The following TGS1 variants were observed in gnomAD, a reference collection of about 807,000 sequenced individuals.
The protein encoded by TGS1 is trimethylguanosine synthase.
Under a neutral mutation model 92.2 loss-of-function variants are expected in TGS1, and 69 were observed. That is an observed-to-expected ratio of 0.75 (90% CI 0.62 to 0.91). The LOEUF (loss-of-function observed/expected upper bound fraction) is 0.91. Among genes scored for constraint, TGS1 ranks in the 40% least tolerant of loss-of-function variants. The pLI, the probability that TGS1 is intolerant of heterozygous loss-of-function variation, is 0.00. For missense variants in TGS1, 1,062 were observed against 1,001.2 expected (o/e 1.06, Z -0.82); for synonymous variants, 345 against 338.1 (o/e 1.02, Z -0.22).
In TGS1 at chr8:55,802,558, A is replaced by T. The variant is rs1812248338; in HGVS notation, c.1951A>T (p.Arg651Trp). Residue 651 changes from arginine (R) to tryptophan (W), a missense_variant, in exon 9 of 13, where the codon AGG (arginine) becomes TGG (tryptophan). Arg to Trp is a moderately radical substitution (Grantham distance 101). Coordinates refer to ENST00000260129, the MANE Select transcript of TGS1 (RefSeq NM_024831.8). The stretch of plus-strand genomic sequence containing the variant: ...TGAGCTGGCAAAATACTGGGCCCAG[A>T]GGTACAGGCTCTTCTCCCGTTTTGA... ...VPELAKYWAQRYRLFSRFDDG... is the reference protein window; with the variant it reads ...VPELAKYWAQWYRLFSRFDDG... The T allele has an allele frequency of 4.3e-6, 7 of 1,614,010 alleles. No individual in the cohort carries two copies. Among genetic ancestry groups the T allele is most frequent in the Non-Finnish European group, 5.9e-6 (7 of 1,180,028 alleles).
chr8:55,795,326 A>G (rs1585770602), intron 6 of TGS1, among the ~76,000 whole-genome samples: 2 of 152,314 alleles, frequency 1.3e-5, no homozygotes, highest in East Asian at 1.9e-4. Context: ...TATGGCTACA[A>G]AGTGAGACCT....
chr8:55,822,666 A>G (rs1030375137), intron 12 of TGS1, among the ~76,000 whole-genome samples: 1 of 151,966 alleles, frequency 6.6e-6, no homozygotes, highest in Non-Finnish European at 1.5e-5. Context: ...GCTATTTTTA[A>G]ATTTCTAGTT....
Position 55,786,441 on chromosome 8 carries a change from T to C in TGS1, c.543T>C (p.Asn181=). The C allele has an allele frequency of 6.2e-7, 1 of 1,613,164 alleles. No individual in the cohort carries two copies. The highest frequency in any genetic ancestry group is 8.5e-7 in the Non-Finnish European group (1 of 1,179,786). Residue 181 remains asparagine, a synonymous_variant, in exon 4 of 13, where the codon AAT becomes AAC. Coordinates refer to ENST00000260129, the MANE Select transcript of TGS1 (RefSeq NM_024831.8). ...GCAAAAAAGATACTGAGACAGAAAA[T>C]CCTCCAGTTGAAAACACATTATCTC... ...LQSKKDTETE[N]PPVENTLSPK... is the part of the protein sequence containing the mutation.
intron 1 of TGS1, among the ~76,000 whole-genome samples, chr8:55,775,622 C>T (rs1282365252): frequency 2.6e-5 from 4 of 152,144 alleles, no homozygotes; most frequent in African/African-American, 9.6e-5. Context: ...TTTGGGTCAA[C>T]GGAGAAGAGA....
In TGS1 at chr8:55,795,016, C is replaced by G. The variant is rs1811999508; in HGVS notation, c.1368-962C>G. ...TAGTTTCTAAAGATTATCAGTTTTT[C>G]TCCCTTAGGTGTTTCAAGGCAATTA... On this transcript the variant is annotated intron_variant, in intron 6 of 12. Coordinates refer to ENST00000260129, the MANE Select transcript of TGS1 (RefSeq NM_024831.8). Among the ~76,000 whole-genome samples the G allele has an allele frequency of 2.0e-5, 3 of 152,300 alleles. No homozygotes were observed. In the South Asian group the frequency reaches 6.2e-4, roughly 32 times the overall value.
chr8:55,805,064 A>G lies in TGS1; in HGVS notation c.2143+28A>G, dbSNP rs199856615. ...AATTAGCCATCAATGGAAGTGAACTATTTTATGTCCAGTTAATTCAGTAAA... is the reference window on the plus strand; with the variant it reads ...AATTAGCCATCAATGGAAGTGAACTGTTTTATGTCCAGTTAATTCAGTAAA... On this transcript the variant is annotated intron_variant, in intron 10 of 12. Coordinates refer to ENST00000260129, the MANE Select transcript of TGS1 (RefSeq NM_024831.8). 12 of 1,604,336 alleles carry G rather than the reference A, an allele frequency of 7.5e-6. No individual in the cohort carries two copies. The Admixed American group carries it at 1.0e-4, about 13-fold the overall frequency.
At chr8:55,780,230 T>C (rs991325270) in intron 1 of TGS1, among the ~76,000 whole-genome samples, 1 of 150,144 alleles carries the variant, frequency 6.7e-6, no homozygotes, top group African/African-American at 2.5e-5. Context: ...AGTGCAGTAG[T>C]ATGATCATTG....
At chr8:55,795,241 C>T (rs1812004851) in intron 6 of TGS1, among the ~76,000 whole-genome samples, 1 of 152,168 alleles carries the variant, frequency 6.6e-6, no homozygotes, top group Non-Finnish European at 1.5e-5. Flanking sequence ...TACTTAACTA[C>T]TCTTCTATTT....
chr8:55,773,537 T>C lies in TGS1; in HGVS notation c.-82T>C, dbSNP rs1473521687. 1.8e-6 allele frequency: 2 copies of C among 1,101,802 alleles called. No individual in the cohort carries two copies. The highest frequency in any genetic ancestry group is 2.6e-5 in the East Asian group (1 of 38,876). The allele number at this position is 1,101,802 out of a possible 1,614,324, so 68.3% of individuals were successfully genotyped here. A position where few individuals can be genotyped will look rare whatever the true frequency, so the allele number is the denominator to read the frequency against. Reference sequence around the variant, plus strand: ...ATCCAGGGCTTGCGGGCGAGGCCTGTTTTAAGTCTCCAGTAACCGAGCGGA... The same window carrying C: ...ATCCAGGGCTTGCGGGCGAGGCCTGCTTTAAGTCTCCAGTAACCGAGCGGA... On this transcript the variant is annotated 5_prime_UTR_variant, in exon 1 of 13. Coordinates refer to ENST00000260129, the MANE Select transcript of TGS1 (RefSeq NM_024831.8).
chr8:55,820,121 G>A (rs1297957813), intron 12 of TGS1, among the ~76,000 whole-genome samples: 2 of 152,116 alleles, frequency 1.3e-5, no homozygotes, highest in Non-Finnish European at 2.9e-5. Context: ...ATGTTTCTGT[G>A]TCTTTCTTGT....
intron 11 of TGS1, among the ~76,000 whole-genome samples, chr8:55,811,797 G>T (rs1205937626): frequency 1.3e-5 from 2 of 152,006 alleles, no homozygotes; most frequent in African/African-American, 4.8e-5. Context: ...TGAAGAGAGG[G>T]AGTATTACCT....
intron 10 of TGS1, among the ~76,000 whole-genome samples, chr8:55,805,658 G>A (rs2130201525): frequency 6.6e-6 from 1 of 152,216 alleles, no homozygotes; most frequent in African/African-American, 2.4e-5. Flanking sequence ...GGCCAAGGTA[G>A]GCGGATCACC....
At chr8:55,819,288 ATTTTTTT>A (rs201975270) in intron 12 of TGS1, among the ~76,000 whole-genome samples, 2 of 74,974 alleles carry the variant, frequency 2.7e-5, no homozygotes. Flanking sequence ...TGCCTGGGAG[ATTTTTTT>A]TTTTTTTTTT....
At chr8:55,817,071 G>A (rs1803501087) in intron 12 of TGS1, among the ~76,000 whole-genome samples, 2 of 152,028 alleles carry the variant, frequency 1.3e-5, no homozygotes, top group South Asian at 4.2e-4. Flanking sequence ...CACCACGTTG[G>A]CCAGGATGGT....
At chr8:55,792,151 A>G in intron 5 of TGS1, among the ~76,000 whole-genome samples, 1 of 152,246 alleles carries the variant, frequency 6.6e-6, no homozygotes, top group African/African-American at 2.4e-5. Flanking sequence ...ATTTCTCACC[A>G]TTTTCCTTTA....
intron 1 of TGS1, among the ~76,000 whole-genome samples, chr8:55,777,454 C>T (rs1026594113): frequency 6.6e-6 from 1 of 152,146 alleles, no homozygotes; most frequent in African/African-American, 2.4e-5. Flanking sequence ...CCACTGACCA[C>T]GCCCCCTGAA....
At chr8:55,778,686 G>C (rs1236395798) in intron 1 of TGS1, among the ~76,000 whole-genome samples, 1 of 152,158 alleles carries the variant, frequency 6.6e-6, no homozygotes, top group African/African-American at 2.4e-5. Flanking sequence ...ACTCAGCTGT[G>C]TGGCCTTAGG....
chr8:55,804,076 A>G (rs1030730968), intron 9 of TGS1, among the ~76,000 whole-genome samples: 2 of 152,152 alleles, frequency 1.3e-5, no homozygotes, highest in Non-Finnish European at 2.9e-5. Context: ...GGGCTCTGCT[A>G]TTCCTCCTGT....
rs1268378291 is a variant in TGS1 at position 55,790,018 on chromosome 8, G to A, written c.1163-164G>A. ...ATAGTTAAGATTTTTAAAATGCTCAGACTCTGCATGTAGACACAAACAGGT... is the reference window on the plus strand; with the variant it reads ...ATAGTTAAGATTTTTAAAATGCTCAAACTCTGCATGTAGACACAAACAGGT... On this transcript the variant is annotated intron_variant, in intron 4 of 12. Transcript: ENST00000260129. The A allele has an allele frequency of 8.5e-6, 5 of 590,656 alleles. No homozygotes were observed. In the East Asian group the frequency reaches 1.1e-4, roughly 13 times the overall value. 36.6% of individuals were successfully genotyped at this position (590,656 alleles called of 1,614,324 possible).
Sources: allele counts gnomAD v4.1 joint callset (sites outside exome capture counted in the v4.1 genomes callset), GRCh38; gene constraint gnomAD v4.1.1; transcripts MANE v1.5; gene names NCBI Gene and HGNC (gene_info 2026-07-23, HGNC 2026-07-21).